The following SUSD6 variants were observed in gnomAD, a reference collection of about 807,000 sequenced individuals.
SUSD6 encodes the protein sushi domain containing 6, also known as sushi domain-containing protein 6.
Under a neutral mutation model 28.4 loss-of-function variants are expected in SUSD6, and 16 were observed. The ratio of observed to expected loss-of-function variants is 0.56; its 90% CI spans 0.38 to 0.86. The LOEUF (loss-of-function observed/expected upper bound fraction) is 0.86. Among genes scored for constraint, SUSD6 ranks in the 40% least tolerant of loss-of-function variants. The pLI, the probability that SUSD6 is intolerant of heterozygous loss-of-function variation, is 0.00. For synonymous variants in SUSD6, 147 were observed against 159.6 expected (o/e 0.92, Z 0.59); for missense variants, 341 against 384.2 (o/e 0.89, Z 0.94).
At chr14:69,615,993 C>T (rs977994936) in intron 1 of SUSD6, among the ~76,000 whole-genome samples, 1 of 152,178 alleles carries the variant, frequency 6.6e-6, no homozygotes, top group African/African-American at 2.4e-5. Context: ...AAATGTACTC[C>T]CCGCTCCTAC....
At chr14:69,649,511 CTT>C (rs1257279834) in intron 1 of SUSD6, among the ~76,000 whole-genome samples, 1 of 152,202 alleles carries the variant, frequency 6.6e-6, no homozygotes. Flanking sequence ...TCTTTTCCCT[CTT>C]GTTTTATACA....
chr14:69,641,978 A>G (rs1270204183), intron 1 of SUSD6, among the ~76,000 whole-genome samples: 4 of 152,148 alleles, frequency 2.6e-5, no homozygotes, highest in Admixed American at 2.6e-4. Flanking sequence ...CATGGAGTAT[A>G]TTTATAATAG....
At chr14:69,649,832 A>G (rs1340285105) in intron 1 of SUSD6, among the ~76,000 whole-genome samples, 1 of 152,134 alleles carries the variant, frequency 6.6e-6, no homozygotes, top group Non-Finnish European at 1.5e-5. Flanking sequence ...ACTAAGCTTG[A>G]CCTTTTATTT....
chr14:69,666,614 G>T (rs1390929189), intron 2 of SUSD6, among the ~76,000 whole-genome samples: 1 of 152,084 alleles, frequency 6.6e-6, no homozygotes, highest in Non-Finnish European at 1.5e-5. Flanking sequence ...AGCTATATTG[G>T]TATTTCTTCT....
At chr14:69,694,966 G>C (rs1886204006) in intron 2 of SUSD6, among the ~76,000 whole-genome samples, 10 of 152,162 alleles carry the variant, frequency 6.6e-5, no homozygotes, top group Admixed American at 6.5e-4. Context: ...GTTTCTCCCT[G>C]TGTTCTCCCA....
At chr14:69,692,281 C>T (rs925516376) in intron 2 of SUSD6, among the ~76,000 whole-genome samples, 1 of 152,194 alleles carries the variant, frequency 6.6e-6, no homozygotes. Context: ...CTTCTCCAAA[C>T]AGGAATTATA....
At chr14:69,623,590 T>C (rs991215965) in intron 1 of SUSD6, among the ~76,000 whole-genome samples, 2 of 152,188 alleles carry the variant, frequency 1.3e-5, no homozygotes, top group African/African-American at 4.8e-5. Flanking sequence ...AACAGTTAAC[T>C]GTAAAACAGC....
chr14:69,655,281 A>G (rs1885565215), intron 1 of SUSD6, among the ~76,000 whole-genome samples: 1 of 152,102 alleles, frequency 6.6e-6, no homozygotes, highest in Non-Finnish European at 1.5e-5. Context: ...ACGGTATTCC[A>G]TTATATTGGG....
intron 1 of SUSD6, among the ~76,000 whole-genome samples, chr14:69,614,086 G>T (rs1354657433): frequency 1.3e-5 from 2 of 151,748 alleles, no homozygotes; most frequent in African/African-American, 4.8e-5. Context: ...TATTTTTTTT[G>T]AGATGGAGTC....
intron 2 of SUSD6, among the ~76,000 whole-genome samples, chr14:69,670,232 A>G (rs1885809361): frequency 6.6e-6 from 1 of 152,180 alleles, no homozygotes; most frequent in Non-Finnish European, 1.5e-5. Flanking sequence ...TAAGCCTGTG[A>G]GAGGAGGGCA....
intron 1 of SUSD6, among the ~76,000 whole-genome samples, chr14:69,614,177 C>T (rs1239216779): frequency 6.6e-6 from 1 of 152,194 alleles, no homozygotes; most frequent in East Asian, 1.9e-4. Flanking sequence ...AAACGATTCT[C>T]TGCCTCAGCC....
At chr14:69,670,888 G>A (rs1377405656) in intron 2 of SUSD6, among the ~76,000 whole-genome samples, 1 of 152,232 alleles carries the variant, frequency 6.6e-6, no homozygotes, top group African/African-American at 2.4e-5. Flanking sequence ...AACTTTGGAT[G>A]TCCAATATAC....
chr14:69,633,697 AC>A (rs1885227069), intron 1 of SUSD6, among the ~76,000 whole-genome samples: 1 of 152,210 alleles, frequency 6.6e-6, no homozygotes, highest in African/African-American at 2.4e-5. Flanking sequence ...CATGTAGAAT[AC>A]TGAAATAGAC....
intron 1 of SUSD6, among the ~76,000 whole-genome samples, chr14:69,649,772 T>A (rs1242378224): frequency 6.6e-6 from 1 of 152,168 alleles, no homozygotes; most frequent in Non-Finnish European, 1.5e-5. Flanking sequence ...TGGAAGAGCC[T>A]TCCATGCCTT....
chr14:69,709,084 C>T lies in SUSD6; in HGVS notation c.866C>T (p.Thr289Met). The part of the protein sequence containing the change: ...NSDIQSLLSL[T>M]SEEYTDDIPL... ...GACATACAAAGCCTTTTATCCCTCA[C>T]GTCAGAGGAGTACACAGATGGTGAG... The change falls in exon 5 of 6, where the codon ACG (threonine) becomes ATG (methionine). Residue 289 changes from threonine (T) to methionine (M), a missense_variant. Transcript: ENST00000342745. 9 of 1,601,912 alleles carry T rather than the reference C, an allele frequency of 5.6e-6. No homozygotes were observed. Among genetic ancestry groups the T allele is most frequent in the South Asian group, 1.1e-5 (1 of 89,008 alleles).
Position 69,697,087 on chromosome 14 carries a change from C to T in SUSD6, c.122-6308C>T, listed in dbSNP as rs563773009. On this transcript the variant is annotated intron_variant, in intron 2 of 5. Transcript: ENST00000342745. Reference sequence around the variant, plus strand: ...ATTCCTGGAACTGAGGGTTCCTCCCCTTTTCAGACCATATAGGGTGACTTC... The same window carrying T: ...ATTCCTGGAACTGAGGGTTCCTCCCTTTTTCAGACCATATAGGGTGACTTC... 2.0e-5 allele frequency among the ~76,000 whole-genome samples: 3 copies of T among 152,258 alleles called. No homozygotes were observed. In the East Asian group the frequency reaches 5.8e-4, roughly 29 times the overall value.
At chr14:69,666,608 A>G (rs535160691) in intron 2 of SUSD6, among the ~76,000 whole-genome samples, 2 of 152,134 alleles carry the variant, frequency 1.3e-5, no homozygotes, top group African/African-American at 4.8e-5. Flanking sequence ...TTTCGTAGCT[A>G]TATTGGTATT....
intron 1 of SUSD6, among the ~76,000 whole-genome samples, chr14:69,655,089 G>A (rs1315861581): frequency 6.6e-6 from 1 of 151,698 alleles, no homozygotes; most frequent in Non-Finnish European, 1.5e-5. Flanking sequence ...CACTGTGCCC[G>A]GCAGTTACCA....
chr14:69,645,510 C>T (rs552074743), intron 1 of SUSD6, among the ~76,000 whole-genome samples: 3 of 152,164 alleles, frequency 2.0e-5, no homozygotes, highest in Non-Finnish European at 4.4e-5. Flanking sequence ...CCAACTTTTA[C>T]CTAGCTTTTG....
Sources: gnomAD v4.1 joint callset for allele counts (sites outside exome capture counted in the v4.1 genomes callset) on GRCh38, gnomAD v4.1.1 for gene constraint, MANE v1.5 for transcripts, NCBI Gene and HGNC (gene_info 2026-07-23, HGNC 2026-07-21) for gene names.